GDF3: variants seen among roughly 807,000 people sequenced by gnomAD.
GDF3 encodes the protein growth differentiation factor 3.
In GDF3, 10 loss-of-function variants were observed where a neutral mutation model predicts 10.2. The ratio of observed to expected loss-of-function variants is 0.98; its 90% CI spans 0.60 to 1.66. The LOEUF is 1.66. GDF3 is among the 40% of genes most tolerant of loss of function. The probability of loss-of-function intolerance (pLI) is 0.00; values close to 1 mark genes in which losing one functional copy is unlikely to be tolerated. For synonymous variants in GDF3, 166 were observed against 178.5 expected (o/e 0.93, Z 0.56); for missense variants, 450 against 438.3 (o/e 1.03, Z -0.24).
intron 1 of GDF3, among the ~76,000 whole-genome samples, chr12:7,693,461 C>T (rs1419414981): frequency 6.8e-6 from 1 of 147,800 alleles, no homozygotes; most frequent in African/African-American, 2.5e-5. Flanking sequence ...AGGCTGGTCT[C>T]GAACTCCTGG....
rs748693630 is a variant in GDF3 at position 7,690,547 on chromosome 12, C to T, written c.426G>A (p.Glu142=). Reference sequence around the variant, plus strand: ...GAACCAGGAACAGAGCCAGTTCCAGCTCTGGTCCCAGGTTATAGTAAGAAT... The same window carrying T: ...GAACCAGGAACAGAGCCAGTTCCAGTTCTGGTCCCAGGTTATAGTAAGAAT... ...GPNSYYNLGP[E]LELALFLVQE... Residue 142 remains glutamate (E), a synonymous_variant, in exon 2 of 2, where the codon GAG becomes GAA. Coordinates refer to ENST00000329913, the MANE Select transcript of GDF3 (RefSeq NM_020634.3). 6.2e-7 allele frequency: 1 copy of T among 1,609,282 alleles called. No homozygotes were observed. Among genetic ancestry groups the T allele is most frequent in the Admixed American group, 1.7e-5 (1 of 59,610 alleles).
intron 1 of GDF3, 137 bp downstream of exon 1, chr12:7,695,324 G>T: frequency 2.3e-6 from 2 of 880,910 alleles, no homozygotes; most frequent in Non-Finnish European, 3.7e-6. Flanking sequence ...TCTCAGGATC[G>T]TGGCTGGAAT....
At chr12:7,692,892 G>C (rs3861094) in intron 1 of GDF3, among the ~76,000 whole-genome samples, 127,658 of 151,762 alleles carry the variant, frequency 0.84, 55,750 homozygotes, top group Non-Finnish European at 0.97. Flanking sequence ...ATCCTCCCAC[G>C]TCTCAAAGTG....
At position 7,689,873 on chromosome 12, in the gene GDF3, A is replaced by C. The variant is rs1426201941; in HGVS notation, c.*5T>G. ...AACACTCCTTCTATTCCCATTTCTG[A>C]CATCCTACCCACACCCACATTCATC... On this transcript the variant is annotated 3_prime_UTR_variant, in exon 2 of 2. Transcript: ENST00000329913. 3.2e-6 allele frequency: 5 copies of C among 1,577,626 alleles called. No individual in the cohort carries two copies. The highest frequency in any genetic ancestry group is 1.3e-5 in the African/African-American group (1 of 74,188).
Position 7,690,708 on chromosome 12 carries a change from G to A in GDF3, c.269-4C>T. 1 of 1,514,710 alleles carries A rather than the reference G, an allele frequency of 6.6e-7. No individual in the cohort carries two copies. Among genetic ancestry groups the A allele is most frequent in the Non-Finnish European group, 9.2e-7 (1 of 1,089,684 alleles). The allele number at this position is 1,514,710 out of a possible 1,614,324, so 93.8% of individuals were successfully genotyped here. The stretch of plus-strand genomic sequence containing the variant: ...TTCTTTGGGTAAAGAAAGAAACCTA[G>A]ATGGGAAAAGAGACATGTCAGAGTC... On this transcript the variant is annotated splice_polypyrimidine_tract_variant and splice_region_variant and intron_variant, in intron 1 of 1. Transcript: ENST00000329913.
chr12:7,690,268 C>T lies in GDF3; in HGVS notation c.705G>A (p.Val235=). ...GGCACTGATCAGGGTTGAGAGTCAC[C>T]ACCAGCAGGGAAGCATGAAGGGAGC... ...LRCSLHASLL[V]VTLNPDQCHP... The change falls in exon 2 of 2, where the codon GTG becomes GTA. Residue 235 remains valine (V), a synonymous_variant. Coordinates refer to ENST00000329913, the MANE Select transcript of GDF3 (RefSeq NM_020634.3). 1 of 1,614,170 alleles carries T rather than the reference C, an allele frequency of 6.2e-7. No individual in the cohort carries two copies. Among genetic ancestry groups the T allele is most frequent in the Non-Finnish European group, 8.5e-7 (1 of 1,180,044 alleles).
At chr12:7,694,218 C>T (rs1864159438) in intron 1 of GDF3, among the ~76,000 whole-genome samples, 2 of 151,966 alleles carry the variant, frequency 1.3e-5, no homozygotes, top group South Asian at 2.1e-4. Flanking sequence ...CAGAATTTTG[C>T]AGACGAGAAT....
chr12:7,693,673 A>C (rs1455434731), intron 1 of GDF3, among the ~76,000 whole-genome samples: 1 of 151,402 alleles, frequency 6.6e-6, no homozygotes, highest in Non-Finnish European at 1.5e-5. Context: ...TTGGCTGGGC[A>C]TGGTGGCTCA....
chr12:7,693,308 G>A (rs1005587196), intron 1 of GDF3, among the ~76,000 whole-genome samples: 4 of 150,124 alleles, frequency 2.7e-5, no homozygotes, highest in Non-Finnish European at 4.4e-5. Context: ...GTGTTCAATC[G>A]ATTTTCCTGC....
At position 7,690,311 on chromosome 12, in the gene GDF3, G is replaced by T. The variant is rs1278006336; in HGVS notation, c.662C>A (p.Thr221Asn). 14 of 1,613,988 alleles carry T rather than the reference G, an allele frequency of 8.7e-6. No individual in the cohort carries two copies. Among genetic ancestry groups the T allele is most frequent in the Non-Finnish European group, 1.2e-5 (14 of 1,180,018 alleles). Residue 221 changes from threonine to asparagine, a missense_variant, in exon 2 of 2, where the codon ACC (threonine) becomes AAC (asparagine). Thr to Asn is a moderately conservative substitution (Grantham distance 65). Coordinates refer to ENST00000329913, the MANE Select transcript of GDF3 (RefSeq NM_020634.3). ...DSGVNFQPED[T>N]CARLRCSLHA... ...AAGGGAGCATCTTAGTCTGGCACAGGTGTCTTCAGGCTGAAAATTCACCCC... is the reference window on the plus strand; with the variant it reads ...AAGGGAGCATCTTAGTCTGGCACAGTTGTCTTCAGGCTGAAAATTCACCCC...
intron 1 of GDF3, among the ~76,000 whole-genome samples, chr12:7,692,800 A>G (rs1420756347): frequency 4.0e-5 from 6 of 151,460 alleles, no homozygotes; most frequent in Admixed American, 6.6e-5. Flanking sequence ...CACCACACCC[A>G]GCCAATTTTT....
At chr12:7,692,654 T>C (rs958067095) in intron 1 of GDF3, among the ~76,000 whole-genome samples, 2 of 151,666 alleles carry the variant, frequency 1.3e-5, no homozygotes, top group African/African-American at 4.8e-5. Flanking sequence ...GGATTACAGG[T>C]GCACACCACG....
intron 1 of GDF3, among the ~76,000 whole-genome samples, chr12:7,691,021 G>T (rs983381423): frequency 1.3e-5 from 2 of 151,932 alleles, no homozygotes; most frequent in African/African-American, 4.8e-5. Flanking sequence ...GTGGTGGCGG[G>T]CGCCTGTAGT....
chr12:7,694,281 G>A (rs1029512113), intron 1 of GDF3, among the ~76,000 whole-genome samples: 4 of 152,036 alleles, frequency 2.6e-5, no homozygotes, highest in African/African-American at 9.7e-5. Flanking sequence ...GGTAATTCTG[G>A]GCTGGGTGCG....
At position 7,689,852 on chromosome 12, in the gene GDF3, CT is replaced by C. The variant is rs1864106388; in HGVS notation, c.*25del. The C allele has an allele frequency of 8.4e-6, 12 of 1,428,446 alleles. No individual in the cohort carries two copies. Among genetic ancestry groups the C allele is most frequent in the African/African-American group, 1.4e-5 (1 of 71,158 alleles). The allele number at this position is 1,428,446 out of a possible 1,614,324, so 88.5% of individuals were successfully genotyped here. ...TATTAAAAGATTTACCCTAAGAACA[CT>C]CCTTCTATTCCCATTTCTGACATCC... On this transcript the variant is annotated 3_prime_UTR_variant, in exon 2 of 2. Transcript: ENST00000329913.
rs751142589 is a variant in GDF3, at chr12:7,690,742, G to A, written c.269-38C>T. On this transcript the variant is annotated intron_variant, in intron 1 of 1. Coordinates refer to ENST00000329913, the MANE Select transcript of GDF3 (RefSeq NM_020634.3). ...AGAGACATGTCAGAGTCATAATGAT[G>A]TATTTACTTCATATCCACCTATATA... 5 of 1,152,484 alleles carry A rather than the reference G, an allele frequency of 4.3e-6. No homozygotes were observed. In the East Asian group the frequency reaches 7.0e-5, roughly 16 times the overall value. The allele number at this position is 1,152,484 out of a possible 1,614,324, so 71.4% of individuals were successfully genotyped here. A position where few individuals can be genotyped will look rare whatever the true frequency, so the allele number is the denominator to read the frequency against.
intron 1 of GDF3, among the ~76,000 whole-genome samples, chr12:7,692,971 TTTTTGTCCA>T (rs1471604132): frequency 3.9e-5 from 6 of 152,008 alleles, no homozygotes; most frequent in African/African-American, 1.5e-4. Context: ...GATTCTTCGA[TTTTTGTCCA>T]TGGATGCCCC....
In GDF3 at chr12:7,690,627, T is replaced by C. The variant is rs150698698; in HGVS notation, c.346A>G (p.Ile116Val). The C allele has an allele frequency of 1.9e-6, 3 of 1,609,178 alleles. No homozygotes were observed. The highest frequency in any genetic ancestry group is 2.7e-5 in the African/African-American group (2 of 74,436). Residue 116 changes from isoleucine to valine, a missense_variant, in exon 2 of 2, where the codon ATC becomes GTC. Physicochemically the swap from Ile to Val is conservative, Grantham distance 29. Transcript: ENST00000329913. The part of the protein sequence containing the change: ...QKLLYFNLSA[I>V]KEREQLTLAQ... ...AATGTCAACTGTTCCCTTTCTTTGA[T>C]GGCAGACAGGTTAAAGTAGAGGAGC...
Position 7,694,604 on chromosome 12 carries a change from CTTGTA to C in GDF3, c.268+852_268+856del, listed in dbSNP as rs756691135. Among the ~76,000 whole-genome samples, 24 of 145,452 alleles carry C rather than the reference CTTGTA, an allele frequency of 1.7e-4. 1 individual carries two copies. In the East Asian group the frequency reaches 5.0e-3, roughly 30 times the overall value. ...AAAAAAAAAAAAAGGCAAACTTTAT[CTTGTA>C]TTCTCAAGGCCATACACAGTTCCTG... On this transcript the variant is annotated intron_variant, in intron 1 of 1. Coordinates refer to ENST00000329913, the MANE Select transcript of GDF3 (RefSeq NM_020634.3).
Sources: allele counts gnomAD v4.1 joint callset (sites outside exome capture counted in the v4.1 genomes callset), GRCh38; gene constraint gnomAD v4.1.1; transcripts MANE v1.5; gene names NCBI Gene and HGNC (gene_info 2026-07-23, HGNC 2026-07-21).